The following SOX5 variants were observed in gnomAD, a reference collection of about 807,000 sequenced individuals.
The protein encoded by SOX5 is SRY-box transcription factor 5.
SOX5 carries 9 observed loss-of-function variants against 92.0 expected under a neutral mutation model. The ratio of observed to expected loss-of-function variants is 0.10; its 90% CI spans 0.06 to 0.17. SOX5 has a LOEUF of 0.17. Ranked by LOEUF, SOX5 falls within the 10% of genes least tolerant of loss-of-function variation. The probability of loss-of-function intolerance (pLI) is 1.00; values close to 1 mark genes in which losing one functional copy is unlikely to be tolerated. For missense variants in SOX5, 642 were observed against 944.5 expected (o/e 0.68, Z 4.20); for synonymous variants, 344 against 336.3 (o/e 1.02, Z -0.25).
At chr12:24,380,243 T>C (rs1957692217) in intron 1 of SOX5, among the ~76,000 whole-genome samples, 1 of 152,228 alleles carries the variant, frequency 6.6e-6, no homozygotes, top group Non-Finnish European at 1.5e-5. Flanking sequence ...CCGCCCAAAG[T>C]TGCTCTTCTG....
At chr12:23,844,579 T>C (rs2971158) in intron 3 of SOX5, among the ~76,000 whole-genome samples, 111,318 of 151,986 alleles carry the variant, frequency 0.73, 41,062 homozygotes, top group East Asian at 0.89. Flanking sequence ...TCCCACTTTG[T>C]ATGTCTGTAA....
chr12:24,147,500 C>G (rs1003745994), intron 4 of SOX5, among the ~76,000 whole-genome samples: 1 of 152,158 alleles, frequency 6.6e-6, no homozygotes, highest in Admixed American at 6.5e-5. Flanking sequence ...TGAACACTAC[C>G]TCTTAAGATC....
At chr12:23,777,576 A>T (rs1303783479) in intron 3 of SOX5, among the ~76,000 whole-genome samples, 6 of 152,250 alleles carry the variant, frequency 3.9e-5, no homozygotes, top group African/African-American at 1.2e-4. Flanking sequence ...ATACACACAC[A>T]ATACATACCT....
At chr12:23,844,127 C>A (rs536562206) in intron 3 of SOX5, among the ~76,000 whole-genome samples, 199 of 152,308 alleles carry the variant, frequency 1.3e-3, no homozygotes, top group Non-Finnish European at 2.0e-3. Context: ...CACCACAGGG[C>A]AAAATCATCT....
At chr12:24,346,702 T>C (rs372966299) in intron 2 of SOX5, among the ~76,000 whole-genome samples, 2 of 152,192 alleles carry the variant, frequency 1.3e-5, no homozygotes, top group African/African-American at 4.8e-5. Context: ...CCACCCGCCT[T>C]GGCCTCCCAA....
chr12:24,263,126 TGA>T (rs1299349418), intron 3 of SOX5, among the ~76,000 whole-genome samples: 3 of 152,112 alleles, frequency 2.0e-5, no homozygotes, highest in Admixed American at 6.5e-5. Flanking sequence ...CTCAAGAGGC[TGA>T]GACAGGAGAA....
chr12:24,095,086 C>T, intron 4 of SOX5, among the ~76,000 whole-genome samples: 1 of 133,688 alleles, frequency 7.5e-6, no homozygotes, highest in East Asian at 2.3e-4. Context: ...ATTTCTAGCC[C>T]CGAAACACAC....
At chr12:24,425,391 C>T (rs748473476) in intron 1 of SOX5, among the ~76,000 whole-genome samples, 62 of 152,332 alleles carry the variant, frequency 4.1e-4, no homozygotes, top group Non-Finnish European at 8.1e-4. Flanking sequence ...TAAGAAACTT[C>T]GACAGGCATC....
chr12:23,813,415 G>A (rs2095915878), intron 3 of SOX5, among the ~76,000 whole-genome samples: 1 of 152,110 alleles, frequency 6.6e-6, no homozygotes, highest in South Asian at 2.1e-4. Context: ...ACCCAGAGAA[G>A]ATAAGGAAAA....
At chr12:24,398,576 T>C (rs1031885564) in intron 1 of SOX5, among the ~76,000 whole-genome samples, 1 of 152,190 alleles carries the variant, frequency 6.6e-6, no homozygotes, top group Non-Finnish European at 1.5e-5. Context: ...CAGTGGTACT[T>C]GTGTTTCTAT....
intron 2 of SOX5, among the ~76,000 whole-genome samples, chr12:24,288,551 C>T (rs1468813953): frequency 6.8e-6 from 1 of 146,538 alleles, no homozygotes; most frequent in Non-Finnish European, 1.5e-5. Flanking sequence ...ATAAATTGTT[C>T]ATAAAATAAT....
Position 23,533,208 on chromosome 12 carries a change from G to C in SOX5, c.*1011C>G, listed in dbSNP as rs1311237090. The C allele has an allele frequency of 2.2e-6, 1 of 455,716 alleles. No homozygotes were observed. Among genetic ancestry groups the C allele is most frequent in the African/African-American group, 2.0e-5 (1 of 50,016 alleles). The allele number at this position is 455,716 out of a possible 1,614,324, so 28.2% of individuals were successfully genotyped here. On this transcript the variant is annotated 3_prime_UTR_variant, in exon 15 of 15. Transcript: ENST00000451604. ...CCCAGATGTGGGTTTAACTCACAAT[G>C]GTCCAACGTTATTCCTATTATTAGT... is the stretch of plus-strand genomic sequence containing the variant.
chr12:24,261,577 CT>C (rs1242323159), intron 3 of SOX5, among the ~76,000 whole-genome samples: 2 of 152,086 alleles, frequency 1.3e-5, no homozygotes, highest in Non-Finnish European at 2.9e-5. Context: ...GACACTTCCC[CT>C]ATAGGAAAAA....
At chr12:23,950,277 C>A (rs1945401882), upstream of SOX5, among the ~76,000 whole-genome samples, 1 of 151,916 alleles carries the variant, frequency 6.6e-6, no homozygotes, top group South Asian at 2.1e-4. Context: ...CACACACACA[C>A]ACACTCACAC....
chr12:24,090,013 C>A (rs1944453049), intron 4 of SOX5, among the ~76,000 whole-genome samples: 1 of 151,998 alleles, frequency 6.6e-6, no homozygotes, highest in Non-Finnish European at 1.5e-5. Context: ...CCACGTAAAA[C>A]AACTTAAGAA....
At chr12:24,558,377 T>G (rs981608531) in intron 1 of SOX5, among the ~76,000 whole-genome samples, 1 of 152,140 alleles carries the variant, frequency 6.6e-6, no homozygotes, top group African/African-American at 2.4e-5. Flanking sequence ...CCCGCGAAAT[T>G]CCGCTAACTC....
At chr12:24,002,325 A>C (rs1951689525) in intron 4 of SOX5, among the ~76,000 whole-genome samples, 1 of 152,060 alleles carries the variant, frequency 6.6e-6, no homozygotes, top group Admixed American at 6.6e-5. Context: ...AGACTGACCA[A>C]AAAACAAAAA....
rs1182945068 is a variant in SOX5 at position 24,232,121 on chromosome 12, G to A, written c.-76-18704C>T. On this transcript the variant is annotated intron_variant, in intron 3 of 4. Transcript: ENST00000446891. ...CCTGTGTTTTTTCTTTTTTTTCCCTGTCCACCTACCATGGTATCTTGTGAG... is the reference window on the plus strand; with the variant it reads ...CCTGTGTTTTTTCTTTTTTTTCCCTATCCACCTACCATGGTATCTTGTGAG... 2.7e-5 allele frequency among the ~76,000 whole-genome samples: 4 copies of A among 150,658 alleles called. No homozygotes were observed. In the East Asian group the frequency reaches 5.8e-4, roughly 22 times the overall value.
At chr12:24,209,962 G>C (rs1958417681) in intron 4 of SOX5, among the ~76,000 whole-genome samples, 2 of 135,078 alleles carry the variant, frequency 1.5e-5, no homozygotes. Flanking sequence ...AGCTTGCAGT[G>C]AGCCGAGATC....
Sources: allele counts gnomAD v4.1 joint callset (sites outside exome capture counted in the v4.1 genomes callset), GRCh38; gene constraint gnomAD v4.1.1; transcripts MANE v1.5; gene names NCBI Gene and HGNC (gene_info 2026-07-23, HGNC 2026-07-21).